Variants in UNC79 observed in about 807,000 individuals in gnomAD.
The protein encoded by UNC79 is unc-79 subunit of NALCN channel complex.
In UNC79, 37 loss-of-function variants were observed where a neutral mutation model predicts 283.1. The observed-to-expected ratio is 0.13, with a 90% CI of 0.10 to 0.17. UNC79 has a LOEUF of 0.17. Ranked by LOEUF, UNC79 falls within the 10% of genes least tolerant of loss-of-function variation. UNC79 has a pLI of 1.00. For missense variants in UNC79, 2,272 were observed against 3,211.1 expected (o/e 0.71, Z 7.07); for synonymous variants, 1,107 against 1,200.2 (o/e 0.92, Z 1.61).
chr14:93,371,712 G>C (rs1209359073), intron 1 of UNC79, among the ~76,000 whole-genome samples: 2 of 151,916 alleles, frequency 1.3e-5, no homozygotes, highest in African/African-American at 4.8e-5. Flanking sequence ...GTGGTGGCGG[G>C]CGCCTGTGGT....
At chr14:93,347,486 C>T in intron 1 of UNC79, 1 of 1,330,036 alleles carries the variant, frequency 7.5e-7, no homozygotes, top group Admixed American at 3.5e-5. Context: ...ACACGGCGTG[C>T]AGGCCTCGCG....
At chr14:93,387,532 T>G (rs1456548548) in intron 1 of UNC79, among the ~76,000 whole-genome samples, 1 of 152,216 alleles carries the variant, frequency 6.6e-6, no homozygotes. Context: ...TTAATTTCCA[T>G]GTGTTTGAAC....
chr14:93,569,377 C>T (rs1264585704), intron 14 of UNC79, among the ~76,000 whole-genome samples: 1 of 152,098 alleles, frequency 6.6e-6, no homozygotes, highest in Non-Finnish European at 1.5e-5. Context: ...GCAGAGGTTG[C>T]AGTGAACTGA....
intron 1 of UNC79, among the ~76,000 whole-genome samples, chr14:93,405,462 T>C (rs60799119): frequency 0.034 from 5,211 of 152,070 alleles, 314 homozygotes; most frequent in African/African-American, 0.12. Flanking sequence ...TATAAAAAAT[T>C]AACAAAATAT....
At chr14:93,696,560 G>A (rs1457546659) in intron 47 of UNC79, among the ~76,000 whole-genome samples, 2 of 152,082 alleles carry the variant, frequency 1.3e-5, no homozygotes, top group African/African-American at 2.4e-5. Context: ...GCATTTTCCT[G>A]TTTGCTAATG....
intron 41 of UNC79, among the ~76,000 whole-genome samples, chr14:93,678,057 G>A (rs1177188478): frequency 6.6e-6 from 1 of 152,162 alleles, no homozygotes; most frequent in Non-Finnish European, 1.5e-5. Flanking sequence ...CTCTCTGGAA[G>A]CTTCTTTTAG....
chr14:93,617,280 G>A lies in UNC79; in HGVS notation c.4200G>A (p.Lys1400=), dbSNP rs762365697. Residue 1400 remains lysine, a synonymous_variant, in exon 28 of 49, where the codon AAG becomes AAA. Coordinates refer to ENST00000555664, the Ensembl canonical transcript of UNC79. The surrounding 1 kb of genome is among the most constrained non-coding windows in gnomAD (Gnocchi z 4.5). ...CTCACATCCGGCAGATGTGGTTGAA[G>A]GCCTTGCTTGTCATCCTTTACAAGG... 3.1e-6 allele frequency: 5 copies of A among 1,614,090 alleles called. No homozygotes were observed. Among genetic ancestry groups the A allele is most frequent in the Non-Finnish European group, 8.5e-7 (1 of 1,180,000 alleles).
chr14:93,464,535 G>C (rs996514457), intron 1 of UNC79: 2 of 456,144 alleles, frequency 4.4e-6, no homozygotes, highest in African/African-American at 4.0e-5. Context: ...GTCACATTTT[G>C]AGGTTAAGGT....
intron 1 of UNC79, among the ~76,000 whole-genome samples, chr14:93,464,952 T>C (rs2057109091): frequency 6.6e-6 from 1 of 152,212 alleles, no homozygotes; most frequent in South Asian, 2.1e-4. Context: ...TTTTGGCTGC[T>C]CTCAAGTTGT....
chr14:93,333,544 T>C, intron 1 of UNC79: 1 of 397,920 alleles, frequency 2.5e-6, no homozygotes, highest in Non-Finnish European at 4.4e-6. Context: ...GTCTGCATGG[T>C]ACTTTTACAG....
At chr14:93,554,685 C>A (rs1264687781) in intron 14 of UNC79, among the ~76,000 whole-genome samples, 1 of 152,168 alleles carries the variant, frequency 6.6e-6, no homozygotes, top group Non-Finnish European at 1.5e-5. Context: ...TTTTAGCCAA[C>A]TAGCTCATAC....
chr14:93,696,053 T>C (rs1422388703), intron 47 of UNC79, among the ~76,000 whole-genome samples: 6 of 152,152 alleles, frequency 3.9e-5, no homozygotes, highest in Non-Finnish European at 1.5e-5. Flanking sequence ...TTTCTTTAAG[T>C]GGATTCATAC....
chr14:93,371,713 C>A (rs575944063), intron 1 of UNC79, among the ~76,000 whole-genome samples: 1 of 149,066 alleles, frequency 6.7e-6, no homozygotes, highest in East Asian at 2.0e-4. Flanking sequence ...TGGTGGCGGG[C>A]GCCTGTGGTC....
At chr14:93,554,652 T>G (rs963012013) in intron 14 of UNC79, among the ~76,000 whole-genome samples, 15 of 152,162 alleles carry the variant, frequency 9.9e-5, no homozygotes, top group Non-Finnish European at 2.9e-5. Context: ...ATATTTAATT[T>G]ATGGAAAAAC....
At position 93,688,804 on chromosome 14, in the gene UNC79, C is replaced by T; in HGVS notation, c.7049C>T (p.Pro2350Leu). 6.2e-7 allele frequency: 1 copy of T among 1,614,022 alleles called. No homozygotes were observed. Among genetic ancestry groups the T allele is most frequent in the Non-Finnish European group, 8.5e-7 (1 of 1,179,994 alleles). The change falls in exon 44 of 49, where the codon CCT becomes CTT. Residue 2350 changes from proline (P) to leucine (L), a missense_variant. By Grantham distance (98) the Pro-to-Leu change is moderately conservative. This residue lies in a region of UNC79 where 225 missense variants were observed against 334.2 expected (regional missense o/e 0.67). Coordinates refer to ENST00000555664, the Ensembl canonical transcript of UNC79. This position sits in a 1 kb window ranked among gnomAD's most constrained non-coding sequence, Gnocchi z 4.0. ...AACAAAGCTGTGATCCGCTATCTGC[C>T]TTGGCTTTATCATCCCCCCTCTGCA... is the stretch of plus-strand genomic sequence containing the variant.
chr14:93,615,720 CAAAAAAAAAAAAA>C lies in UNC79; in HGVS notation c.4042-1389_4042-1377del, dbSNP rs1158073507. ...TGGGTGACAGAGTGAGACTCCATCT[CAAAAAAAAAAAAA>C]AAAAAAAAAAAAGAAAAGAAGAAAA... On this transcript the variant is annotated intron_variant, in intron 27 of 48. Transcript: ENST00000555664. Among the ~76,000 whole-genome samples, 20 of 23,292 alleles carry C rather than the reference CAAAAAAAAAAAAA, an allele frequency of 8.6e-4. 2 individuals carry two copies. In the South Asian group the frequency reaches 0.042, roughly 49 times the overall value. The allele number at this position is 23,292 out of a possible 152,430, so 15.3% of individuals were successfully genotyped here. A position where few individuals can be genotyped will look rare whatever the true frequency, so the allele number is the denominator to read the frequency against.
At chr14:93,696,776 A>G (rs1025103755) in intron 47 of UNC79, among the ~76,000 whole-genome samples, 3 of 152,064 alleles carry the variant, frequency 2.0e-5, no homozygotes, top group Non-Finnish European at 2.9e-5. Context: ...ATGAAGTACC[A>G]TTTACCAATT....
chr14:93,653,066 A>G (rs75347042), intron 35 of UNC79, among the ~76,000 whole-genome samples: 1,593 of 152,156 alleles, frequency 0.01, 32 homozygotes, highest in East Asian at 0.025. Context: ...CTCTTTATCT[A>G]TTTACGTTCT....
intron 7 of UNC79, among the ~76,000 whole-genome samples, chr14:93,518,555 G>T (rs886302212): frequency 4.6e-5 from 7 of 151,524 alleles, no homozygotes; most frequent in Non-Finnish European, 1.0e-4. Flanking sequence ...CAATTTCATT[G>T]ATTTCTGTTT....
Sources: allele counts gnomAD v4.1 joint callset (sites outside exome capture counted in the v4.1 genomes callset), GRCh38; gene constraint gnomAD v4.1.1; regional missense constraint gnomAD v4.1.1; non-coding constraint Gnocchi (gnomAD v3.1); transcripts MANE v1.5; gene names NCBI Gene and HGNC (gene_info 2026-07-23, HGNC 2026-07-21).